The following CRTC3 variants were observed in gnomAD, a reference collection of about 807,000 sequenced individuals.
CRTC3 encodes the protein CREB-regulated transcription coactivator 3.
CRTC3 carries 26 observed loss-of-function variants against 74.5 expected under a neutral mutation model. The ratio of observed to expected loss-of-function variants is 0.35; its 90% CI spans 0.26 to 0.48. The LOEUF (loss-of-function observed/expected upper bound fraction) is 0.48, where lower values mean the gene tolerates loss of function less well. Among genes scored for constraint, CRTC3 ranks in the 20% least tolerant of loss-of-function variants. The probability of loss-of-function intolerance (pLI) is 0.99; values close to 1 mark genes in which losing one functional copy is unlikely to be tolerated. For synonymous variants in CRTC3, 377 were observed against 325.8 expected (o/e 1.16, Z -1.69); for missense variants, 760 against 787.3 (o/e 0.97, Z 0.41).
chr15:90,542,918 G>A (rs1438850475), intron 2 of CRTC3, among the ~76,000 whole-genome samples: 8 of 152,264 alleles, frequency 5.3e-5, no homozygotes, highest in Admixed American at 1.3e-4. Flanking sequence ...CAGGAATAAC[G>A]TAGAAGAAGT....
chr15:90,550,521 G>A (rs1567162609), intron 2 of CRTC3, among the ~76,000 whole-genome samples: 1 of 148,906 alleles, frequency 6.7e-6, no homozygotes. Flanking sequence ...CTTAGTACAA[G>A]GTTAAACAAG....
At chr15:90,630,236 A>C (rs932083174) in intron 11 of CRTC3, among the ~76,000 whole-genome samples, 6 of 152,190 alleles carry the variant, frequency 3.9e-5, no homozygotes, top group African/African-American at 1.4e-4. Context: ...TTGACTCTCT[A>C]AGTACATTAA....
intron 2 of CRTC3, among the ~76,000 whole-genome samples, chr15:90,571,844 C>G (rs1239412411): frequency 6.6e-6 from 1 of 152,038 alleles, no homozygotes; most frequent in Non-Finnish European, 1.5e-5. Context: ...TGGAATCATG[C>G]TATACTGAAT....
chr15:90,576,374 C>T (rs1967404216), intron 2 of CRTC3, among the ~76,000 whole-genome samples: 2 of 151,952 alleles, frequency 1.3e-5, no homozygotes, highest in African/African-American at 2.4e-5. Context: ...TGGGTTAGGC[C>T]GTCGAGTGGC....
rs149322872 is a variant in CRTC3, at chr15:90,553,555, A to C, written c.231+13418A>C. On this transcript the variant is annotated intron_variant, in intron 2 of 14. Transcript: ENST00000268184. ...ACTCATGAATCTCTAATCATCTGGG[A>C]TAAAGCCTTTGTTTGAAATTATAGA... Among the ~76,000 whole-genome samples, 1,319 of 152,280 alleles carry C rather than the reference A, an allele frequency of 8.7e-3. 14 individuals are homozygous for C. Among genetic ancestry groups the C allele is most frequent in the Non-Finnish European group, 0.014 (982 of 68,010 alleles).
chr15:90,554,056 G>A (rs1408186921), intron 2 of CRTC3, among the ~76,000 whole-genome samples: 2 of 152,182 alleles, frequency 1.3e-5, no homozygotes, highest in Non-Finnish European at 2.9e-5. Flanking sequence ...AAACCACTTA[G>A]CATGTCTTTG....
At chr15:90,608,289 T>G (rs1968277281) in intron 6 of CRTC3, among the ~76,000 whole-genome samples, 2 of 152,132 alleles carry the variant, frequency 1.3e-5, no homozygotes. Context: ...ACCCCTCACC[T>G]TCAGGAGAAA....
intron 5 of CRTC3, 53 bp downstream of exon 5, chr15:90,604,500 T>A: frequency 7.5e-7 from 1 of 1,342,210 alleles, no homozygotes; most frequent in Non-Finnish European, 1.1e-6. Context: ...TTAACTGTCC[T>A]GATATTTTTT....
At chr15:90,586,320 T>C (rs1173767042) in intron 2 of CRTC3, among the ~76,000 whole-genome samples, 3 of 152,048 alleles carry the variant, frequency 2.0e-5, no homozygotes, top group Non-Finnish European at 4.4e-5. Context: ...ATCCTGGTTT[T>C]CTGCATGTTT....
At chr15:90,563,055 A>T (rs1967046764) in intron 2 of CRTC3, among the ~76,000 whole-genome samples, 1 of 152,208 alleles carries the variant, frequency 6.6e-6, no homozygotes, top group African/African-American at 2.4e-5. Flanking sequence ...GTGCCTGCTT[A>T]GTCTCCGAGA....
chr15:90,560,578 A>G (rs2151065533), intron 2 of CRTC3, among the ~76,000 whole-genome samples: 1 of 152,366 alleles, frequency 6.6e-6, no homozygotes, highest in East Asian at 1.9e-4. Flanking sequence ...AGCCTCAGAA[A>G]CTAGACACAT....
intron 9 of CRTC3, among the ~76,000 whole-genome samples, chr15:90,622,473 C>T (rs535134693): frequency 1.5e-4 from 23 of 152,190 alleles, no homozygotes; most frequent in Non-Finnish European, 2.6e-4. Context: ...TCTGCTGTCA[C>T]GTTGAGGGCT....
chr15:90,541,782 CTTTTTTTCTTTTT>C (rs1199346914), intron 2 of CRTC3, among the ~76,000 whole-genome samples: 1 of 120,100 alleles, frequency 8.3e-6, no homozygotes, highest in African/African-American at 3.2e-5. Flanking sequence ...TCCCAGGATT[CTTTTTTTCTTTTT>C]TTTTTTTTGA....
At chr15:90,545,543 G>A (rs940451878) in intron 2 of CRTC3, among the ~76,000 whole-genome samples, 3 of 151,126 alleles carry the variant, frequency 2.0e-5, no homozygotes, top group African/African-American at 7.3e-5. Context: ...GGGTTTACAG[G>A]CGCGCCCCAC....
intron 2 of CRTC3, among the ~76,000 whole-genome samples, chr15:90,573,462 T>G (rs376422394): frequency 6.6e-6 from 1 of 152,348 alleles, no homozygotes; most frequent in South Asian, 2.1e-4. Context: ...CAAGATTTCT[T>G]AAACATTCAC....
At position 90,643,591 on chromosome 15, in the gene CRTC3, G is replaced by A. The variant is rs901348242; in HGVS notation, c.*1451G>A. 2.6e-5 allele frequency: 6 copies of A among 229,984 alleles called. No homozygotes were observed. The highest frequency in any genetic ancestry group is 1.1e-4 in the African/African-American group (5 of 44,990). The allele number at this position is 229,984 out of a possible 1,614,324, so 14.2% of individuals were successfully genotyped here. ...TTGAAAAAATAGTTTATAGTAAAAC[G>A]AAGGCCTAATTCATGGAAGCATCAT... On this transcript the variant is annotated 3_prime_UTR_variant, in exon 15 of 15. Transcript: ENST00000268184.
chr15:90,612,054 C>CTCG (rs1968372356), intron 6 of CRTC3, among the ~76,000 whole-genome samples: 3 of 146,754 alleles, frequency 2.0e-5, no homozygotes, highest in Non-Finnish European at 4.6e-5. Context: ...CCTCCTCCTC[C>CTCG]TCCGCCTCCA....
intron 2 of CRTC3, among the ~76,000 whole-genome samples, chr15:90,557,874 A>C (rs1485333089): frequency 1.3e-5 from 2 of 152,080 alleles, no homozygotes; most frequent in Non-Finnish European, 2.9e-5. Context: ...TCCCATGGTA[A>C]CCTGCCTCGT....
intron 2 of CRTC3, among the ~76,000 whole-genome samples, chr15:90,548,109 G>A (rs1001386321): frequency 6.6e-5 from 10 of 151,954 alleles, no homozygotes; most frequent in Admixed American, 5.9e-4. Flanking sequence ...GGCTGGTCTC[G>A]AACTCCTGAG....
Sources: allele counts gnomAD v4.1 joint callset (sites outside exome capture counted in the v4.1 genomes callset), GRCh38; gene constraint gnomAD v4.1.1; transcripts MANE v1.5; gene names NCBI Gene and HGNC (gene_info 2026-07-23, HGNC 2026-07-21).